Variants in PPM1L observed in about 807,000 individuals in gnomAD.
PPM1L encodes the protein protein phosphatase, Mg2+/Mn2+ dependent 1L.
A neutral mutation model predicts 31.4 loss-of-function variants in PPM1L; 13 were observed. That is an observed-to-expected ratio of 0.41 (90% confidence interval 0.27 to 0.66). PPM1L has a LOEUF of 0.66. Among genes scored for constraint, PPM1L ranks in the 30% least tolerant of loss-of-function variants. PPM1L has a pLI of 0.29. For synonymous variants in PPM1L, 184 were observed against 175.4 expected, an observed-to-expected ratio of 1.05 and a Z score of -0.39; for missense variants, 326 against 453.7, an observed-to-expected ratio of 0.72 and a Z score of 2.56.
At chr3:160,992,298 A>T (rs1717158724) in intron 2 of PPM1L, among the ~76,000 whole-genome samples, 1 of 152,198 alleles carries the variant, frequency 6.6e-6, no homozygotes, top group South Asian at 2.1e-4. Context: ...TAGTGCTGTT[A>T]CAGCTTTATT....
chr3:160,947,937 A>G (rs1715460494), intron 1 of PPM1L, among the ~76,000 whole-genome samples: 1 of 152,176 alleles, frequency 6.6e-6, no homozygotes, highest in Non-Finnish European at 1.5e-5. Flanking sequence ...AAAGCGTTCA[A>G]GCTCAACACC....
chr3:161,028,746 A>G (rs1576792892), intron 2 of PPM1L, among the ~76,000 whole-genome samples: 1 of 152,300 alleles, frequency 6.6e-6, no homozygotes, highest in Admixed American at 6.5e-5. Context: ...CCCGGGTGGT[A>G]GAATGTTAGG....
chr3:160,876,293 A>G (rs1576684259), intron 1 of PPM1L, among the ~76,000 whole-genome samples: 2 of 152,032 alleles, frequency 1.3e-5, no homozygotes, highest in South Asian at 2.1e-4. Context: ...AAACTTGAAG[A>G]CCATTCTGGC....
intron 2 of PPM1L, among the ~76,000 whole-genome samples, chr3:160,968,162 T>G (rs990065843): frequency 1.3e-4 from 19 of 150,378 alleles, no homozygotes; most frequent in Admixed American, 6.7e-4. Context: ...AAAAGTAGAT[T>G]TTGGAATAAG....
intron 1 of PPM1L, among the ~76,000 whole-genome samples, chr3:160,930,204 T>C (rs1197504532): frequency 6.6e-6 from 1 of 151,932 alleles, no homozygotes; most frequent in Non-Finnish European, 1.5e-5. Flanking sequence ...AACTTCAGAG[T>C]GGAATTTCAT....
chr3:160,917,157 C>T (rs1714213571), intron 1 of PPM1L, among the ~76,000 whole-genome samples: 1 of 152,136 alleles, frequency 6.6e-6, no homozygotes, highest in South Asian at 2.1e-4. Flanking sequence ...CCCTTATTGA[C>T]TTAGAAGCTT....
At chr3:160,893,908 G>C (rs1357672877) in intron 1 of PPM1L, among the ~76,000 whole-genome samples, 2 of 152,098 alleles carry the variant, frequency 1.3e-5, no homozygotes, top group African/African-American at 4.8e-5. Context: ...TCCTAGACTA[G>C]GGATATGTGG....
At chr3:160,907,917 C>T (rs987951378) in intron 1 of PPM1L, among the ~76,000 whole-genome samples, 1 of 152,154 alleles carries the variant, frequency 6.6e-6, no homozygotes, top group Admixed American at 6.5e-5. Flanking sequence ...CTCTTGCCTC[C>T]CCTTGGCCAA....
Position 160,816,662 on chromosome 3 carries a change from A to G in PPM1L, c.399+59955A>G, listed in dbSNP as rs1478515119. On this transcript the variant is annotated intron_variant, in intron 1 of 3. Coordinates refer to ENST00000498165, the MANE Select transcript of PPM1L (RefSeq NM_139245.4). ...AAGGCCCTGTGTAGCTTCTGATGAA[A>G]TATAGGGGAAAAAATCTAGAAAACT... 3.3e-5 allele frequency among the ~76,000 whole-genome samples: 5 copies of G among 152,138 alleles called. No individual in the cohort carries two copies. In the East Asian group the frequency reaches 7.7e-4, roughly 24 times the overall value.
chr3:160,914,293 CT>C (rs961766489), intron 1 of PPM1L, among the ~76,000 whole-genome samples: 20 of 151,832 alleles, frequency 1.3e-4, no homozygotes, highest in South Asian at 4.2e-4. Flanking sequence ...TGAAGGAGTT[CT>C]TTTTTTTATT....
chr3:160,979,320 C>A (rs930308770), intron 2 of PPM1L, among the ~76,000 whole-genome samples: 2 of 151,950 alleles, frequency 1.3e-5, no homozygotes, highest in African/African-American at 4.8e-5. Context: ...AAGGTGGAAA[C>A]CCACCTTGGA....
rs1323893687 is a variant in PPM1L, at chr3:160,961,728, A to G, written c.400-8A>G. ...GGAGTTCTCTCTCTCTGACTGTTTT[A>G]TCTGCAGACTGCAGCTGAATATGTA... On this transcript the variant is annotated splice_region_variant and splice_polypyrimidine_tract_variant and intron_variant, in intron 1 of 3. Transcript: ENST00000498165. 6 of 1,572,006 alleles carry G rather than the reference A, an allele frequency of 3.8e-6. No homozygotes were observed. The highest frequency in any genetic ancestry group is 1.2e-5 in the South Asian group (1 of 81,560).
intron 1 of PPM1L, among the ~76,000 whole-genome samples, chr3:160,839,576 C>A (rs563349910): frequency 6.6e-6 from 1 of 152,236 alleles, no homozygotes; most frequent in Non-Finnish European, 1.5e-5. Context: ...GTGTGCTAAC[C>A]TTCTGAATAT....
At chr3:160,867,145 CA>C (rs1292887749) in intron 1 of PPM1L, among the ~76,000 whole-genome samples, 5 of 152,116 alleles carry the variant, frequency 3.3e-5, no homozygotes, top group African/African-American at 1.2e-4. Context: ...ATTTATCTTA[CA>C]ACTTTTAAAA....
chr3:160,903,325 G>A lies in PPM1L; in HGVS notation c.400-58411G>A, dbSNP rs1055046750. Reference sequence around the variant, plus strand: ...TTCTGTGGGGCAGGCCAGCAGGCTGGAAATTCAAGTGGGATTTCTTTGTTA... The same window carrying A: ...TTCTGTGGGGCAGGCCAGCAGGCTGAAAATTCAAGTGGGATTTCTTTGTTA... On this transcript the variant is annotated intron_variant, in intron 1 of 3. Coordinates refer to ENST00000498165, the MANE Select transcript of PPM1L (RefSeq NM_139245.4). Among the ~76,000 whole-genome samples the A allele has an allele frequency of 7.9e-5, 12 of 152,022 alleles. No homozygotes were observed. In the South Asian group the frequency reaches 2.3e-3, roughly 29 times the overall value.
At position 160,827,447 on chromosome 3, in the gene PPM1L, T is replaced by TTGTGTGTGTGTGTGTGTG. The variant is rs59524935; in HGVS notation, c.399+70760_399+70777dup. 1.6e-3 allele frequency among the ~76,000 whole-genome samples: 223 copies of TTGTGTGTGTGTGTGTGTG among 141,436 alleles called. 1 individual carries two copies. The highest frequency in any genetic ancestry group is 3.6e-3 in the Middle Eastern group (1 of 276). 92.8% of individuals were successfully genotyped at this position (141,436 alleles called of 152,430 possible). Reference sequence around the variant, plus strand: ...ATTGGGAAAGTGTTTTGATATAAGTTTGTGTGTGTGTGTGTGTGTGTGTGT... The same window carrying TTGTGTGTGTGTGTGTGTG: ...ATTGGGAAAGTGTTTTGATATAAGTTTGTGTGTGTGTGTGTGTGTGTGTGTGTGTGTGTGTGTGTGTGT... On this transcript the variant is annotated intron_variant, in intron 1 of 3. Transcript: ENST00000498165.
At chr3:160,895,349 A>G (rs1713296926) in intron 1 of PPM1L, among the ~76,000 whole-genome samples, 2 of 151,892 alleles carry the variant, frequency 1.3e-5, no homozygotes, top group South Asian at 2.1e-4. Context: ...AGTAGCTGGG[A>G]CTACAGGTGT....
At chr3:160,897,510 A>C (rs1291790092) in intron 1 of PPM1L, among the ~76,000 whole-genome samples, 5 of 152,202 alleles carry the variant, frequency 3.3e-5, no homozygotes, top group Non-Finnish European at 7.4e-5. Flanking sequence ...TCTAACATAA[A>C]TGAATGTGGA....
intron 1 of PPM1L, among the ~76,000 whole-genome samples, chr3:160,794,644 C>T (rs116213160): frequency 0.015 from 2,350 of 152,238 alleles, 62 homozygotes; most frequent in African/African-American, 0.054. Context: ...ATCCAAACAA[C>T]GCCCTCTGAG....
Sources: allele counts gnomAD v4.1 joint callset (sites outside exome capture counted in the v4.1 genomes callset), GRCh38; gene constraint gnomAD v4.1.1; transcripts MANE v1.5; gene names NCBI Gene and HGNC (gene_info 2026-07-23, HGNC 2026-07-21).